The following NIBAN2 variants were observed in gnomAD, a reference collection of about 807,000 sequenced individuals.
NIBAN2 encodes the protein niban apoptosis regulator 2, also known as protein Niban 2.
NIBAN2 carries 36 observed loss-of-function variants against 81.8 expected under a neutral mutation model. That is an observed-to-expected ratio of 0.44 (90% confidence interval 0.34 to 0.58). The LOEUF is 0.58. Ranked by LOEUF, NIBAN2 falls within the 20% of genes least tolerant of loss-of-function variation. NIBAN2 has a pLI of 0.02. For synonymous variants in NIBAN2, 445 were observed against 441.6 expected (o/e 1.01, Z -0.10); for missense variants, 897 against 1,014.1 (o/e 0.88, Z 1.57).
intron 1 of NIBAN2, among the ~76,000 whole-genome samples, chr9:127,567,074 T>C (rs1837871189): frequency 6.6e-6 from 1 of 152,094 alleles, no homozygotes; most frequent in African/African-American, 2.4e-5. Flanking sequence ...CCCTCTCCAG[T>C]AAAGGACACT....
intron 3 of NIBAN2, 149 bp downstream of exon 3, chr9:127,527,045 G>A (rs905046727): frequency 1.0e-5 from 9 of 889,566 alleles, no homozygotes; most frequent in Non-Finnish European, 1.6e-5. Context: ...CAGTTTGGGG[G>A]AGGGGAGGGG....
intron 5 of NIBAN2, among the ~76,000 whole-genome samples, chr9:127,523,193 ATATATATATATATATATATAT>A (rs1564301364): frequency 0.025 from 199 of 7,998 alleles, 64 homozygotes; most frequent in Non-Finnish European, 0.03. Flanking sequence ...AAAAAAAAAA[ATATATATATATATATATATAT>A]ATATATATAT....
intron 5 of NIBAN2, among the ~76,000 whole-genome samples, chr9:127,522,853 C>A (rs1263459909): frequency 6.6e-6 from 1 of 151,864 alleles, no homozygotes; most frequent in Admixed American, 6.6e-5. Context: ...CCTCCCCCAA[C>A]ACACACACAC....
chr9:127,569,235 GC>G, upstream of NIBAN2: 1 of 324,138 alleles, frequency 3.1e-6, no homozygotes, highest in Non-Finnish European at 4.2e-6. Flanking sequence ...ACCCCCCTGC[GC>G]CCCACCCAGC....
chr9:127,565,946 T>TCTCTCTCTCACACACACACACA (rs751937125), intron 1 of NIBAN2, among the ~76,000 whole-genome samples: 3 of 130,558 alleles, frequency 2.3e-5, no homozygotes, highest in African/African-American at 9.7e-5. Flanking sequence ...TCTCTCTCTC[T>TCTCTCTCTCACACACACACACA]CACACACACA....
chr9:127,552,101 C>T (rs1401083256), intron 1 of NIBAN2, among the ~76,000 whole-genome samples: 2 of 152,188 alleles, frequency 1.3e-5, no homozygotes, highest in Admixed American at 6.5e-5. Flanking sequence ...CATGCTGGGC[C>T]TGTCTTCCCC....
chr9:127,527,403 G>A, intron 2 of NIBAN2, 81 bp from the exon 3 acceptor site: 2 of 1,365,378 alleles, frequency 1.5e-6, no homozygotes, highest in South Asian at 1.2e-5. Flanking sequence ...CCAGCCAGCA[G>A]AGCCTGTGTG....
At chr9:127,525,238 C>T (rs1233198935) in intron 3 of NIBAN2, 75 bp from the exon 4 acceptor site, 8 of 1,120,884 alleles carry the variant, frequency 7.1e-6, no homozygotes, top group Admixed American at 7.1e-5. Flanking sequence ...CTTCAAGGCC[C>T]TACTCAGTGT....
At position 127,569,001 on chromosome 9, in the gene NIBAN2, TCCCGCCGCC is replaced by T; in HGVS notation, c.-136_-128del. ...CCCCCGCTCCCGCCGCTCCCGCCGC[TCCCGCCGCC>T]CGGCTGCGGCTTCCGCTCCGGCTCC... On this transcript the variant is annotated 5_prime_UTR_variant, in exon 1 of 14. Coordinates refer to ENST00000373312, the MANE Select transcript of NIBAN2 (RefSeq NM_022833.4). 2.5e-6 allele frequency: 1 copy of T among 400,426 alleles called. No individual in the cohort carries two copies. Among genetic ancestry groups the T allele is most frequent in the Non-Finnish European group, 3.0e-6 (1 of 331,812 alleles). 24.8% of individuals were successfully genotyped at this position (400,426 alleles called of 1,614,324 possible).
In NIBAN2 at chr9:127,508,069, C is replaced by T; in HGVS notation, c.1542+24G>A. ...ATCCCCCAACTTAGGGCCCAAACGG[C>T]TGGAGCAGGTGGGGGCTGCTCACCG... On this transcript the variant is annotated intron_variant, in intron 12 of 13. Transcript: ENST00000373312. The surrounding 1 kb of genome is among the most constrained non-coding windows in gnomAD (Gnocchi z 6.4). 6.2e-7 allele frequency: 1 copy of T among 1,611,900 alleles called. No homozygotes were observed. Among genetic ancestry groups the T allele is most frequent in the Non-Finnish European group, 8.5e-7 (1 of 1,178,198 alleles).
intron 1 of NIBAN2, among the ~76,000 whole-genome samples, chr9:127,550,477 G>A (rs1313479778): frequency 6.6e-6 from 1 of 152,194 alleles, no homozygotes; most frequent in African/African-American, 2.4e-5. Flanking sequence ...TTTGCCCTAG[G>A]AGGGCAGGGA....
intron 2 of NIBAN2, among the ~76,000 whole-genome samples, chr9:127,529,187 T>A (rs960477169): frequency 4.6e-5 from 7 of 152,328 alleles, no homozygotes; most frequent in African/African-American, 1.4e-4. Context: ...CAAGGTCAGA[T>A]AACTGGAACT....
chr9:127,548,070 G>A (rs1340885472), intron 1 of NIBAN2, among the ~76,000 whole-genome samples: 1 of 152,158 alleles, frequency 6.6e-6, no homozygotes, highest in Non-Finnish European at 1.5e-5. Context: ...GCTCATGGCA[G>A]TTCTCTGTCC....
rs149783126 is a variant in NIBAN2 at position 127,533,644 on chromosome 9, T to TA, written c.56-1867dup. On this transcript the variant is annotated intron_variant, in intron 1 of 13. Transcript: ENST00000373312. Reference sequence around the variant, plus strand: ...GCGAGACCCTGTCTCAACACACACATAACAAAACCAAAACTCCTCCTATTT... The same window carrying TA: ...GCGAGACCCTGTCTCAACACACACATAAACAAAACCAAAACTCCTCCTATTT... Among the ~76,000 whole-genome samples the TA allele has an allele frequency of 7.2e-3, 1,096 of 152,218 alleles. 63 individuals carry two copies. In the East Asian group the frequency reaches 0.16, roughly 22 times the overall value.
At chr9:127,553,047 G>A (rs2132224231) in intron 1 of NIBAN2, among the ~76,000 whole-genome samples, 1 of 152,160 alleles carries the variant, frequency 6.6e-6, no homozygotes, top group African/African-American at 2.4e-5. Context: ...TCACTATTAA[G>A]GTAGAAGAAC....
chr9:127,516,458 A>G (rs1836831445), intron 8 of NIBAN2, among the ~76,000 whole-genome samples: 1 of 152,192 alleles, frequency 6.6e-6, no homozygotes. Context: ...CTGAGGCAGG[A>G]GAATTGTTTG....
intron 5 of NIBAN2, among the ~76,000 whole-genome samples, chr9:127,519,797 C>T (rs1354980704): frequency 6.6e-6 from 1 of 152,230 alleles, no homozygotes; most frequent in Admixed American, 6.5e-5. Context: ...GTGGGGGCTG[C>T]CCACCTGGGC....
At position 127,527,952 on chromosome 9, in the gene NIBAN2, G is replaced by A. The variant is rs575946706; in HGVS notation, c.187-630C>T. On this transcript the variant is annotated intron_variant, in intron 2 of 13. Transcript: ENST00000373312. ...TGGGGGTGTTTGATGTCTGACCCGC[G>A]TCCTGGCAGGCTAGTGACCTACATG... 3.9e-4 allele frequency among the ~76,000 whole-genome samples: 59 copies of A among 152,322 alleles called. No homozygotes were observed. In the South Asian group the frequency reaches 7.3e-3, roughly 19 times the overall value.
intron 1 of NIBAN2, among the ~76,000 whole-genome samples, chr9:127,575,386 C>A (rs1261370509): frequency 6.6e-6 from 1 of 151,954 alleles, no homozygotes; most frequent in Non-Finnish European, 1.5e-5. Flanking sequence ...TGCCACCACG[C>A]CTGGCTAATT....
Sources: gnomAD v4.1 joint callset for allele counts (sites outside exome capture counted in the v4.1 genomes callset) on GRCh38, gnomAD v4.1.1 for gene constraint, Gnocchi (gnomAD v3.1) non-coding constraint, MANE v1.5 for transcripts, NCBI Gene and HGNC (gene_info 2026-07-23, HGNC 2026-07-21) for gene names.